STXBP5L: variants seen among roughly 807,000 people sequenced by gnomAD.
The protein encoded by STXBP5L is syntaxin-binding protein 5-like.
STXBP5L carries 65 observed loss-of-function variants against 144.5 expected under a neutral mutation model. The observed-to-expected ratio is 0.45, with a 90% confidence interval of 0.37 to 0.55. STXBP5L has a LOEUF of 0.55. STXBP5L is among the 20% of genes least tolerant of loss of function. The pLI, the probability that STXBP5L is intolerant of heterozygous loss-of-function variation, is 0.00. For missense variants in STXBP5L, 1,298 were observed against 1,405.5 expected, an observed-to-expected ratio of 0.92 and a Z score of 1.22; for synonymous variants, 505 against 469.6, an observed-to-expected ratio of 1.08 and a Z score of -0.97.
chr3:121,304,183 A>T (rs1412368324), intron 19 of STXBP5L, among the ~76,000 whole-genome samples: 1 of 152,218 alleles, frequency 6.6e-6, no homozygotes, highest in Non-Finnish European at 1.5e-5. Flanking sequence ...GACCAGAATG[A>T]TATAAAAATC....
intron 12 of STXBP5L, among the ~76,000 whole-genome samples, chr3:121,236,275 A>T (rs1274459190): frequency 6.6e-6 from 1 of 152,208 alleles, no homozygotes; most frequent in African/African-American, 2.4e-5. Context: ...TTCCTGCAAA[A>T]AAATTTAAAA....
intron 23 of STXBP5L, 22 bp from the exon 24 acceptor site, chr3:121,413,136 G>A (rs773133153): frequency 6.5e-7 from 1 of 1,543,862 alleles, no homozygotes; most frequent in South Asian, 1.3e-5. Context: ...TATGATATAT[G>A]GATTTACTTT....
intron 3 of STXBP5L, among the ~76,000 whole-genome samples, chr3:120,997,089 C>T (rs1418651472): frequency 6.6e-6 from 1 of 152,008 alleles, no homozygotes; most frequent in Admixed American, 6.6e-5. Flanking sequence ...AGTATAATGG[C>T]CTCTAGCTCC....
intron 3 of STXBP5L, among the ~76,000 whole-genome samples, chr3:120,978,304 T>C (rs668931): frequency 0.21 from 32,481 of 152,142 alleles, 3,702 homozygotes; most frequent in Non-Finnish European, 0.26. Context: ...TTCATCTTCC[T>C]TTGCTGATAC....
chr3:121,097,078 C>T (rs1006999155), intron 5 of STXBP5L, among the ~76,000 whole-genome samples: 1 of 152,192 alleles, frequency 6.6e-6, no homozygotes, highest in African/African-American at 2.4e-5. Context: ...GCCACAGCAG[C>T]CTTGCTCAGC....
At chr3:121,055,258 T>C (rs1053167521) in intron 5 of STXBP5L, among the ~76,000 whole-genome samples, 3 of 152,144 alleles carry the variant, frequency 2.0e-5, no homozygotes, top group Non-Finnish European at 4.4e-5. Flanking sequence ...AATGGGAGGT[T>C]CAGGTCCTAT....
rs1046563705 is a variant in STXBP5L, at chr3:121,422,423, A to G, written c.*3326A>G. ...AAGGCCTTTTTAGTGTTACAGTAGAAAATGGGCCTTTTCATTTATTCATCT... is the reference window on the plus strand; with the variant it reads ...AAGGCCTTTTTAGTGTTACAGTAGAGAATGGGCCTTTTCATTTATTCATCT... On this transcript the variant is annotated 3_prime_UTR_variant, in exon 27 of 27. Coordinates refer to ENST00000471454, the MANE Select transcript of STXBP5L (RefSeq NM_001308330.2). 1 of 152,174 alleles carries G rather than the reference A, an allele frequency of 6.6e-6. No homozygotes were observed. Among genetic ancestry groups the G allele is most frequent in the Non-Finnish European group, 1.5e-5 (1 of 68,028 alleles). 9.4% of individuals were successfully genotyped at this position (152,174 alleles called of 1,614,324 possible).
At chr3:121,041,829 C>T (rs1451095429) in intron 4 of STXBP5L, 48 bp downstream of exon 4, 3 of 1,189,212 alleles carry the variant, frequency 2.5e-6, no homozygotes, top group Non-Finnish European at 3.8e-6. Flanking sequence ...CCCCACTACA[C>T]AGTGAATCAG....
rs528509169 is a variant in STXBP5L at position 120,938,496 on chromosome 3, T to G, written c.190-16444T>G. Reference sequence around the variant, plus strand: ...GTTTTTGATATATGCGACCAAATTGTCCCACTGAAAGGTTGTACAGGTTGA... The same window carrying G: ...GTTTTTGATATATGCGACCAAATTGGCCCACTGAAAGGTTGTACAGGTTGA... On this transcript the variant is annotated intron_variant, in intron 2 of 26. Transcript: ENST00000471454. 1.1e-4 allele frequency among the ~76,000 whole-genome samples: 17 copies of G among 152,310 alleles called. 1 individual carries two copies. The highest frequency in any genetic ancestry group is 7.8e-4 in the Admixed American group (12 of 15,298).
intron 3 of STXBP5L, among the ~76,000 whole-genome samples, chr3:120,972,178 T>A (rs993055870): frequency 1.3e-5 from 2 of 152,128 alleles, no homozygotes; most frequent in African/African-American, 4.8e-5. Flanking sequence ...ATGGTCATTT[T>A]AATGATATTG....
At chr3:121,305,910 A>G (rs530794397) in intron 19 of STXBP5L, among the ~76,000 whole-genome samples, 4 of 152,204 alleles carry the variant, frequency 2.6e-5, no homozygotes, top group Non-Finnish European at 5.9e-5. Context: ...TACAAAAATA[A>G]TAAGTGAATT....
intron 3 of STXBP5L, among the ~76,000 whole-genome samples, chr3:120,992,888 G>A (rs1943039602): frequency 6.6e-6 from 1 of 151,830 alleles, no homozygotes; most frequent in Non-Finnish European, 1.5e-5. Flanking sequence ...ATTGTTTTCT[G>A]TAATGCCTAT....
intron 4 of STXBP5L, among the ~76,000 whole-genome samples, chr3:121,043,492 C>T (rs1408201394): frequency 2.6e-5 from 4 of 152,030 alleles, no homozygotes; most frequent in Non-Finnish European, 4.4e-5. Context: ...GGGTGGATCA[C>T]GAGGTCAAGA....
chr3:121,053,460 T>C (rs1948191162), intron 5 of STXBP5L, among the ~76,000 whole-genome samples: 1 of 152,168 alleles, frequency 6.6e-6, no homozygotes, highest in South Asian at 2.1e-4. Flanking sequence ...CATCTGATCT[T>C]TGCCAAACCT....
At chr3:121,331,879 T>C (rs2044330837) in intron 20 of STXBP5L, among the ~76,000 whole-genome samples, 1 of 152,162 alleles carries the variant, frequency 6.6e-6, no homozygotes, top group Admixed American at 6.5e-5. Flanking sequence ...TCTGCCATTC[T>C]AGCCCTGCAG....
At position 120,984,017 on chromosome 3, in the gene STXBP5L, G is replaced by T. The variant is rs549820129; in HGVS notation, c.287+28980G>T. 6.3e-4 allele frequency among the ~76,000 whole-genome samples: 96 copies of T among 152,294 alleles called. 1 individual carries two copies. In the South Asian group the frequency reaches 0.02, roughly 31 times the overall value. On this transcript the variant is annotated intron_variant, in intron 3 of 26. Transcript: ENST00000471454. ...AGTAGCTGCTGAGTTTCACACGTCA[G>T]TTGCTGTGATCAGCATCCTGCTCTT...
chr3:121,020,995 C>T (rs1945511098), intron 3 of STXBP5L, among the ~76,000 whole-genome samples: 1 of 151,966 alleles, frequency 6.6e-6, no homozygotes, highest in Non-Finnish European at 1.5e-5. Context: ...TAAGAATTTA[C>T]CAACCAAGTA....
At chr3:120,974,112 A>G (rs1220716418) in intron 3 of STXBP5L, among the ~76,000 whole-genome samples, 4 of 152,136 alleles carry the variant, frequency 2.6e-5, no homozygotes, top group Non-Finnish European at 5.9e-5. Context: ...CTGAGGAATC[A>G]CCACACTAAC....
At chr3:120,949,497 A>G (rs897054254) in intron 2 of STXBP5L, among the ~76,000 whole-genome samples, 3 of 152,130 alleles carry the variant, frequency 2.0e-5, no homozygotes, top group South Asian at 2.1e-4. Context: ...GCCTAAGCCA[A>G]TGTCTAGAAG....
Sources: gnomAD v4.1 joint callset for allele counts (sites outside exome capture counted in the v4.1 genomes callset) on GRCh38, gnomAD v4.1.1 for gene constraint, MANE v1.5 for transcripts, NCBI Gene and HGNC (gene_info 2026-07-23, HGNC 2026-07-21) for gene names.